Variants in GRAMD1C observed in about 807,000 individuals in gnomAD.
GRAMD1C encodes the protein GRAM domain containing 1C.
GRAMD1C carries 89 observed loss-of-function variants against 97.8 expected under a neutral mutation model. That is an observed-to-expected ratio of 0.91 (90% confidence interval 0.77 to 1.09). The LOEUF (loss-of-function observed/expected upper bound fraction) is 1.09, where lower values mean the gene tolerates loss of function less well. GRAMD1C is among the 50% of genes least tolerant of loss of function. The pLI, the probability that GRAMD1C is intolerant of heterozygous loss-of-function variation, is 0.00. For missense variants in GRAMD1C, 740 were observed against 766.4 expected, an observed-to-expected ratio of 0.97 and a Z score of 0.41; for synonymous variants, 256 against 267.0, an observed-to-expected ratio of 0.96 and a Z score of 0.40.
chr3:113,856,795 T>C (rs1416381415), intron 2 of GRAMD1C, among the ~76,000 whole-genome samples: 1 of 151,862 alleles, frequency 6.6e-6, no homozygotes, highest in Non-Finnish European at 1.5e-5. Flanking sequence ...TGCCTCAGCA[T>C]CCCAAAGTGT....
chr3:113,872,587 GT>G (rs1161215273), intron 3 of GRAMD1C, among the ~76,000 whole-genome samples: 2 of 149,332 alleles, frequency 1.3e-5, no homozygotes, highest in Admixed American at 6.7e-5. Flanking sequence ...TAGAGATGAG[GT>G]TTCTCCATGT....
At chr3:113,935,410 A>C (rs1480218615) in intron 13 of GRAMD1C, among the ~76,000 whole-genome samples, 1 of 151,950 alleles carries the variant, frequency 6.6e-6, no homozygotes, top group African/African-American at 2.4e-5. Context: ...ATTTGGTTGG[A>C]GGTGGGTACT....
intron 1 of GRAMD1C, among the ~76,000 whole-genome samples, chr3:113,830,983 G>A (rs139000118): frequency 1.3e-5 from 2 of 152,270 alleles, no homozygotes; most frequent in East Asian, 1.9e-4. Flanking sequence ...AGACTACTCC[G>A]GAGCATGAGA....
At chr3:113,829,327 G>A (rs1364625724) in intron 1 of GRAMD1C, among the ~76,000 whole-genome samples, 1 of 152,170 alleles carries the variant, frequency 6.6e-6, no homozygotes, top group Non-Finnish European at 1.5e-5. Context: ...GTGGGCCTGT[G>A]GCCCCAGGTA....
chr3:113,942,474 C>T (rs1212127114), intron 17 of GRAMD1C, among the ~76,000 whole-genome samples: 1 of 152,016 alleles, frequency 6.6e-6, no homozygotes, highest in Non-Finnish European at 1.5e-5. Context: ...TGGCTGGGCT[C>T]TTGGCTGAGA....
At chr3:113,850,183 C>CTT in intron 2 of GRAMD1C, 25 of 387,332 alleles carry the variant, frequency 6.5e-5, no homozygotes, top group East Asian at 1.4e-4. Flanking sequence ...TATATACTTA[C>CTT]TTTTTTTTTT....
At chr3:113,850,716 T>C in intron 2 of GRAMD1C, 2 of 1,551,920 alleles carry the variant, frequency 1.3e-6, no homozygotes, top group Non-Finnish European at 1.8e-6. Flanking sequence ...ATCCGGTTCT[T>C]CTTAGGCATC....
chr3:113,848,033 A>G (rs927685702), intron 2 of GRAMD1C, among the ~76,000 whole-genome samples: 3 of 152,224 alleles, frequency 2.0e-5, no homozygotes, highest in African/African-American at 7.2e-5. Context: ...GTATTTACAG[A>G]GTTAAGCTAC....
Position 113,871,756 on chromosome 3 carries a change from A to AC in GRAMD1C, c.259+2165_259+2166insC, listed in dbSNP as rs1553717963. ...TGAGACTCTGTCTCAAAAAAAAAAA[A>AC]AAAAAAAAAACAACCAACAATAACA... On this transcript the variant is annotated intron_variant, in intron 3 of 17. Coordinates refer to ENST00000358160, the MANE Select transcript of GRAMD1C (RefSeq NM_017577.5). Among the ~76,000 whole-genome samples, 7 of 149,332 alleles carry AC rather than the reference A, an allele frequency of 4.7e-5. 1 individual carries two copies. The East Asian group carries it at 7.8e-4, about 17-fold the overall frequency.
At chr3:113,855,102 A>G (rs1386617988) in intron 2 of GRAMD1C, among the ~76,000 whole-genome samples, 1 of 152,160 alleles carries the variant, frequency 6.6e-6, no homozygotes, top group Non-Finnish European at 1.5e-5. Context: ...ACCTGAGGTC[A>G]GGAGTTTGAG....
chr3:113,915,635 C>A, intron 9 of GRAMD1C, 66 bp from the exon 10 acceptor site: 2 of 1,326,302 alleles, frequency 1.5e-6, no homozygotes, highest in Non-Finnish European at 2.1e-6. Context: ...CCACGAAACC[C>A]CCTAAAGCCT....
Position 113,921,186 on chromosome 3 carries a change from T to A in GRAMD1C, c.1090+5348T>A, listed in dbSNP as rs1038162311. On this transcript the variant is annotated intron_variant, in intron 10 of 17. Coordinates refer to ENST00000358160, the MANE Select transcript of GRAMD1C (RefSeq NM_017577.5). ...ATTTAGTTTTCTGTTCCTGCAGTAG[T>A]TCGCTCAGGATAATGGCCTCCAGCT... Among the ~76,000 whole-genome samples the A allele has an allele frequency of 2.6e-5, 4 of 152,218 alleles. No individual in the cohort carries two copies. The South Asian group carries it at 8.3e-4, about 31-fold the overall frequency.
chr3:113,909,075 T>C lies in GRAMD1C; in HGVS notation c.907T>C (p.Tyr303His). The change falls in exon 9 of 18, where the codon TAT becomes CAT. Residue 303 changes from tyrosine (Y) to histidine (H), a missense_variant. Tyr to His is a moderately conservative substitution (Grantham distance 83). Transcript: ENST00000358160. ...GTCACTGGACTTGAATAAAAATGAATATCTTTCTCTGGACAAAAGCAGCAC... is the reference window on the plus strand; with the variant it reads ...GTCACTGGACTTGAATAAAAATGAACATCTTTCTCTGGACAAAAGCAGCAC... ...SKSLDLNKNE[Y>H]LSLDKSSTSD... is the part of the protein sequence containing the mutation. 6.4e-7 allele frequency: 1 copy of C among 1,555,932 alleles called. No individual in the cohort carries two copies. Among genetic ancestry groups the C allele is most frequent in the South Asian group, 1.2e-5 (1 of 82,088 alleles).
chr3:113,942,598 T>C (rs1937857926), intron 17 of GRAMD1C, among the ~76,000 whole-genome samples: 1 of 152,114 alleles, frequency 6.6e-6, no homozygotes, highest in Admixed American at 6.5e-5. Context: ...GGAAGAGGGA[T>C]AGGGGAAGGA....
At chr3:113,876,345 G>T (rs1040369166) in intron 5 of GRAMD1C, 85 bp downstream of exon 5, 5 of 712,818 alleles carry the variant, frequency 7.0e-6, no homozygotes, top group African/African-American at 1.8e-5. Context: ...AAATTAGGCA[G>T]TTCTTCCTGG....
At chr3:113,856,860 TA>T (rs113646416) in intron 2 of GRAMD1C, among the ~76,000 whole-genome samples, 1,503 of 119,676 alleles carry the variant, frequency 0.013, 14 homozygotes, top group South Asian at 0.036. Flanking sequence ...TTTTTTTTTT[TA>T]AAAGATCTGG....
At chr3:113,856,199 C>T (rs1195905036) in intron 2 of GRAMD1C, among the ~76,000 whole-genome samples, 3 of 152,030 alleles carry the variant, frequency 2.0e-5, no homozygotes, top group Non-Finnish European at 2.9e-5. Flanking sequence ...GAATTTAACA[C>T]ATTTATTCTA....
In GRAMD1C at chr3:113,894,575, G is replaced by A. The variant is rs538704040; in HGVS notation, c.541-6456G>A. 1.1e-3 allele frequency among the ~76,000 whole-genome samples: 162 copies of A among 152,188 alleles called. 1 individual carries two copies. Among genetic ancestry groups the A allele is most frequent in the African/African-American group, 3.8e-3 (157 of 41,520 alleles). Reference sequence around the variant, plus strand: ...ATTACAGACGTGAGCCACCACGCCCGGCCTGTACTGTTTTTATCTTAGCAA... The same window carrying A: ...ATTACAGACGTGAGCCACCACGCCCAGCCTGTACTGTTTTTATCTTAGCAA... On this transcript the variant is annotated intron_variant, in intron 6 of 17. Coordinates refer to ENST00000358160, the MANE Select transcript of GRAMD1C (RefSeq NM_017577.5).
At chr3:113,941,294 A>G (rs1490079326) in intron 17 of GRAMD1C, among the ~76,000 whole-genome samples, 1 of 152,168 alleles carries the variant, frequency 6.6e-6, no homozygotes, top group East Asian at 1.9e-4. Flanking sequence ...TGAGGCTATT[A>G]TCACTCTTGA....
Sources: gnomAD v4.1 joint callset for allele counts (sites outside exome capture counted in the v4.1 genomes callset) on GRCh38, gnomAD v4.1.1 for gene constraint, MANE v1.5 for transcripts, NCBI Gene and HGNC (gene_info 2026-07-23, HGNC 2026-07-21) for gene names.